The following UBAP2 variants were observed in gnomAD, a reference collection of about 807,000 sequenced individuals.
The protein encoded by UBAP2 is ubiquitin-associated protein 2.
In UBAP2, 75 loss-of-function variants were observed where a neutral mutation model predicts 139.6. That is an observed-to-expected ratio of 0.54 (90% CI 0.45 to 0.65). The LOEUF is 0.65. Among genes scored for constraint, UBAP2 ranks in the 30% least tolerant of loss-of-function variants. The probability of loss-of-function intolerance (pLI) is 0.00; values close to 1 mark genes in which losing one functional copy is unlikely to be tolerated. For missense variants in UBAP2, 1,368 were observed against 1,369.6 expected (o/e 1.00, Z 0.02); for synonymous variants, 526 against 526.2 (o/e 1.00, Z 0.01).
rs750920324 is a variant in UBAP2 at position 33,923,008 on chromosome 9, A to C, written c.3030T>G (p.Thr1010=). ...GKGVSVSSST[T]GLPDMTGSVY... is the part of the protein sequence containing the mutation. ...CAGAACCAGTCATATCAGGTAGACC[A>C]GTGGTGCTTGAAGACACTGATACTC... The change falls in exon 27 of 29, where the codon ACT becomes ACG. Residue 1010 remains threonine (T), a synonymous_variant. Transcript: ENST00000379238. 1.9e-6 allele frequency: 3 copies of C among 1,614,180 alleles called. No homozygotes were observed. The South Asian group carries it at 3.3e-5, about 18-fold the overall frequency.
chr9:33,931,720 C>T (rs72727335), intron 19 of UBAP2, among the ~76,000 whole-genome samples: 11,997 of 152,230 alleles, frequency 0.079, 684 homozygotes, highest in Non-Finnish European at 0.12. Context: ...CCCTTTTCCA[C>T]CACCTCACTC....
chr9:33,930,747 T>TTA (rs1407846992), intron 19 of UBAP2, among the ~76,000 whole-genome samples: 2 of 151,616 alleles, frequency 1.3e-5, no homozygotes, highest in African/African-American at 2.4e-5. Context: ...AATACAAAAA[T>TTA]TATCCGGGCA....
At chr9:34,007,257 G>A (rs1408467688) in intron 2 of UBAP2, among the ~76,000 whole-genome samples, 1 of 152,108 alleles carries the variant, frequency 6.6e-6, no homozygotes, top group Non-Finnish European at 1.5e-5. Flanking sequence ...ACTTTGGGAG[G>A]CTGAGGAAGG....
intron 3 of UBAP2, 159 bp downstream of exon 3, chr9:33,998,628 G>C (rs1822406806): frequency 3.5e-6 from 2 of 576,352 alleles, no homozygotes; most frequent in Non-Finnish European, 6.0e-6. Context: ...CACCAATAAA[G>C]GTATTTTTAA....
At chr9:33,956,303 T>C (rs76260737) in intron 10 of UBAP2, among the ~76,000 whole-genome samples, 157 bp from the exon 11 acceptor site, 103 of 146,684 alleles carry the variant, frequency 7.0e-4, no homozygotes, top group African/African-American at 2.6e-3. Flanking sequence ...ACAAGTAATT[T>C]TCAAGTGAAT....
At chr9:33,923,563 A>C in intron 24 of UBAP2, 85 bp from the exon 25 acceptor site, 1 of 1,352,276 alleles carries the variant, frequency 7.4e-7, no homozygotes, top group Non-Finnish European at 1.1e-6. Context: ...CTAAGGCAGC[A>C]GGTGACATAC....
At chr9:33,983,696 C>A (rs184372296) in intron 6 of UBAP2, among the ~76,000 whole-genome samples, 46 of 152,196 alleles carry the variant, frequency 3.0e-4, no homozygotes, top group African/African-American at 1.1e-3. Flanking sequence ...GGGTTTAGGA[C>A]CTAATAAATT....
intron 6 of UBAP2, among the ~76,000 whole-genome samples, chr9:33,982,192 C>T (rs914963157): frequency 6.6e-5 from 10 of 152,178 alleles, no homozygotes; most frequent in African/African-American, 2.4e-4. Flanking sequence ...CCCAAGCTGT[C>T]AAAGGGCCTG....
intron 17 of UBAP2, 128 bp from the exon 18 acceptor site, chr9:33,933,756 C>G: frequency 1.5e-6 from 2 of 1,350,182 alleles, no homozygotes; most frequent in East Asian, 2.4e-5. Flanking sequence ...AAGTTACATT[C>G]CCCAGGAAAA....
At chr9:34,033,541 C>T (rs1183532291) in intron 1 of UBAP2, among the ~76,000 whole-genome samples, 1 of 151,414 alleles carries the variant, frequency 6.6e-6, no homozygotes, top group African/African-American at 2.4e-5. Flanking sequence ...TATTTGATAG[C>T]ACAATAGGGT....
In UBAP2 at chr9:33,922,575, G is replaced by A. The variant is rs1414401972; in HGVS notation, c.3289C>T (p.Pro1097Ser). ...AQSGSGQRSQ[P>S]SSLQPKSQAS... ...TGAGACTTGGGCTGCAGGGAGCTGG[G>A]CTGGCTGCGCTGACCCGAGCCACTC... Residue 1097 changes from proline to serine, a missense_variant, in exon 29 of 29, where the codon CCC becomes TCC. Coordinates refer to ENST00000379238, the MANE Select transcript of UBAP2 (RefSeq NM_001370062.2). The A allele has an allele frequency of 1.2e-6, 2 of 1,613,462 alleles. No homozygotes were observed. The highest frequency in any genetic ancestry group is 2.2e-5 in the East Asian group (1 of 44,882).
At chr9:33,937,982 TG>T (rs961903971) in intron 16 of UBAP2, among the ~76,000 whole-genome samples, 43 of 152,122 alleles carry the variant, frequency 2.8e-4, no homozygotes, top group African/African-American at 1.0e-3. Flanking sequence ...ATAGTTGTTT[TG>T]GGGGGTTTCT....
At chr9:34,040,897 A>G (rs1031769917) in intron 1 of UBAP2, among the ~76,000 whole-genome samples, 12 of 152,212 alleles carry the variant, frequency 7.9e-5, no homozygotes, top group Non-Finnish European at 1.6e-4. Flanking sequence ...GACAAGCCTG[A>G]GAACAACTGT....
chr9:34,024,043 C>CA (rs555364908), intron 1 of UBAP2, among the ~76,000 whole-genome samples: 16 of 141,942 alleles, frequency 1.1e-4, no homozygotes, highest in East Asian at 4.2e-4. Context: ...GACTCTGTCT[C>CA]AAAAAAAAAT....
At chr9:34,021,657 G>C (rs944500202) in intron 1 of UBAP2, among the ~76,000 whole-genome samples, 11 of 146,186 alleles carry the variant, frequency 7.5e-5, no homozygotes, top group African/African-American at 2.8e-4. Context: ...TTTTTGAGAC[G>C]GAGGCTCGCT....
At chr9:33,961,175 C>A (rs1214408975) in intron 9 of UBAP2, among the ~76,000 whole-genome samples, 11 of 152,106 alleles carry the variant, frequency 7.2e-5, no homozygotes, top group Non-Finnish European at 1.6e-4. Flanking sequence ...AGGTCACATC[C>A]AAGCAATTCT....
At chr9:33,991,650 T>C (rs1821721813) in intron 4 of UBAP2, among the ~76,000 whole-genome samples, 1 of 152,206 alleles carries the variant, frequency 6.6e-6, no homozygotes, top group Middle Eastern at 3.2e-3. Flanking sequence ...GCATTTCTTT[T>C]CTAATTAAAC....
chr9:34,046,323 G>A (rs940449347), intron 1 of UBAP2, among the ~76,000 whole-genome samples: 2 of 150,844 alleles, frequency 1.3e-5, no homozygotes, highest in African/African-American at 4.9e-5. Flanking sequence ...AAGAGGACTG[G>A]GAAATCAACA....
chr9:34,002,833 C>T lies in UBAP2; in HGVS notation c.100-3969G>A, dbSNP rs189716984. Among the ~76,000 whole-genome samples the T allele has an allele frequency of 2.6e-5, 4 of 151,648 alleles. No individual in the cohort carries two copies. In the East Asian group the frequency reaches 7.7e-4, roughly 29 times the overall value. On this transcript the variant is annotated intron_variant, in intron 2 of 28. Coordinates refer to ENST00000379238, the MANE Select transcript of UBAP2 (RefSeq NM_001370062.2). ...TTCCCCCAATAGCTGGGAATACAGG[C>T]GCACAACACGACACCTGGTTAATGT...
Sources: gnomAD v4.1 joint callset for allele counts (sites outside exome capture counted in the v4.1 genomes callset) on GRCh38, gnomAD v4.1.1 for gene constraint, MANE v1.5 for transcripts, NCBI Gene and HGNC (gene_info 2026-07-23, HGNC 2026-07-21) for gene names.